The following RNFT2 variants were observed in gnomAD, a reference collection of about 807,000 sequenced individuals.
RNFT2 encodes ring finger protein, transmembrane 2.
Under a neutral mutation model 53.0 loss-of-function variants are expected in RNFT2, and 36 were observed. That is an observed-to-expected ratio of 0.68 (90% CI 0.52 to 0.90). The LOEUF (loss-of-function observed/expected upper bound fraction) is 0.90, where lower values mean the gene tolerates loss of function less well. Among genes scored for constraint, RNFT2 ranks in the 40% least tolerant of loss-of-function variants. RNFT2 has a pLI of 0.00. For missense variants in RNFT2, 514 were observed against 585.6 expected (o/e 0.88, Z 1.26); for synonymous variants, 260 against 253.2 (o/e 1.03, Z -0.26).
At chr12:116,789,901 G>A (rs1027122001) in intron 7 of RNFT2, among the ~76,000 whole-genome samples, 3 of 150,974 alleles carry the variant, frequency 2.0e-5, no homozygotes, top group Non-Finnish European at 3.0e-5. Flanking sequence ...AGTGGTGGGT[G>A]GATGGATGGT....
intron 5 of RNFT2, among the ~76,000 whole-genome samples, chr12:116,758,635 T>C (rs1872588212): frequency 1.3e-5 from 2 of 152,366 alleles, no homozygotes; most frequent in African/African-American, 4.8e-5. Flanking sequence ...TTTCACTGGA[T>C]ACAAAATTCT....
At chr12:116,786,760 A>G (rs1407209605) in intron 7 of RNFT2, among the ~76,000 whole-genome samples, 1 of 152,202 alleles carries the variant, frequency 6.6e-6, no homozygotes, top group Admixed American at 6.5e-5. Context: ...GGAAGCCAGA[A>G]ATCCAAAATC....
intron 6 of RNFT2, among the ~76,000 whole-genome samples, chr12:116,775,830 G>A (rs1873408969): frequency 6.6e-6 from 1 of 152,176 alleles, no homozygotes; most frequent in African/African-American, 2.4e-5. Context: ...ATCACTTGAG[G>A]CCAGGAGTCT....
At chr12:116,791,790 G>A (rs997598621) in intron 7 of RNFT2, among the ~76,000 whole-genome samples, 20 of 152,272 alleles carry the variant, frequency 1.3e-4, no homozygotes, top group African/African-American at 4.6e-4. Flanking sequence ...AAATACATAG[G>A]CAGAGAATTC....
At chr12:116,783,754 G>A (rs1299545495) in intron 7 of RNFT2, among the ~76,000 whole-genome samples, 1 of 152,240 alleles carries the variant, frequency 6.6e-6, no homozygotes, top group African/African-American at 2.4e-5. Context: ...AGCCAGCCAG[G>A]TCAGACAGAG....
intron 7 of RNFT2, among the ~76,000 whole-genome samples, chr12:116,827,219 C>CAAAA (rs753600365): frequency 7.6e-5 from 7 of 92,442 alleles, no homozygotes; most frequent in Admixed American, 2.5e-4. Context: ...GACTCCATCT[C>CAAAA]AAAAAAAAAA....
At chr12:116,777,225 G>A (rs976036885) in intron 6 of RNFT2, among the ~76,000 whole-genome samples, 2 of 152,022 alleles carry the variant, frequency 1.3e-5, no homozygotes, top group African/African-American at 4.8e-5. Flanking sequence ...GCCTCAAAAT[G>A]GGATATTCAC....
At chr12:116,844,724 G>A (rs73407205) in intron 10 of RNFT2, among the ~76,000 whole-genome samples, 1 of 152,176 alleles carries the variant, frequency 6.6e-6, no homozygotes, top group Non-Finnish European at 1.5e-5. Flanking sequence ...GAGCCTCAGT[G>A]AATGTGTTGA....
At chr12:116,826,004 T>A (rs902959965) in intron 7 of RNFT2, among the ~76,000 whole-genome samples, 5 of 149,734 alleles carry the variant, frequency 3.3e-5, no homozygotes, top group Admixed American at 6.6e-5. Flanking sequence ...GTTTCATCTC[T>A]GTCTGTGCAT....
In RNFT2 at chr12:116,817,090, G is replaced by A. The variant is rs768413122; in HGVS notation, c.883-16702G>A. Among the ~76,000 whole-genome samples the A allele has an allele frequency of 2.6e-5, 4 of 152,152 alleles. 1 individual carries two copies. Among genetic ancestry groups the A allele is most frequent in the Admixed American group, 6.5e-5 (1 of 15,274 alleles). ...TACAGTGGTGCGATCGCAGCTCACC[G>A]CAACCTCCACCTTCTGGGTTCAAGC... On this transcript the variant is annotated intron_variant, in intron 7 of 10. Transcript: ENST00000257575.
Position 116,836,212 on chromosome 12 carries a change from G to A in RNFT2, c.1130G>A (p.Cys377Tyr). The A allele has an allele frequency of 6.3e-7, 1 of 1,595,672 alleles. No individual in the cohort carries two copies. The highest frequency in any genetic ancestry group is 8.5e-7 in the Non-Finnish European group (1 of 1,171,128). The change falls in exon 10 of 11, where the codon TGC becomes TAC. Residue 377 changes from cysteine to tyrosine, a missense_variant. Physicochemically the swap from Cys to Tyr is radical, Grantham distance 194. This residue lies in a region of RNFT2 where 273 missense variants were observed against 334.4 expected (regional missense o/e 0.82). Coordinates refer to ENST00000257575, the MANE Select transcript of RNFT2 (RefSeq NM_001382266.1). The part of the protein sequence containing the change: ...NYGVRATGQQ[C>Y]TEAGDICAIC... ...GGAGTCCGAGCCACCGGGCAGCAGT[G>A]CACAGAAGCTGGTGACATCTGCGCC...
At chr12:116,748,933 A>G (rs1328104914) in intron 3 of RNFT2, among the ~76,000 whole-genome samples, 1 of 152,146 alleles carries the variant, frequency 6.6e-6, no homozygotes, top group Non-Finnish European at 1.5e-5. Context: ...CGGGAATATC[A>G]GTAGGACCTA....
At chr12:116,766,983 T>G in intron 6 of RNFT2, 69 bp downstream of exon 6, 3 of 1,074,764 alleles carry the variant, frequency 2.8e-6, no homozygotes, top group Non-Finnish European at 2.8e-6. Flanking sequence ...GCACGTACCC[T>G]TTCACTTGAG....
In RNFT2 at chr12:116,743,213, T is replaced by TAAAAAAAAAAAAAAAAAAAAA. The variant is rs762013507; in HGVS notation, c.83+2130_83+2150dup. 1.6e-3 allele frequency among the ~76,000 whole-genome samples: 17 copies of TAAAAAAAAAAAAAAAAAAAAA among 10,678 alleles called. 4 individuals are homozygous for TAAAAAAAAAAAAAAAAAAAAA. The highest frequency in any genetic ancestry group is 2.8e-3 in the East Asian group (1 of 358). The allele number at this position is 10,678 out of a possible 152,430, so 7.0% of individuals were successfully genotyped here. ...TGATTAATAGATACCAGGTAGAATC[T>TAAAAAAAAAAAAAAAAAAAAA]AAAAAAAAAAAAAAAAAAAAAAAAA... On this transcript the variant is annotated intron_variant, in intron 3 of 10. Coordinates refer to ENST00000257575, the MANE Select transcript of RNFT2 (RefSeq NM_001382266.1).
At chr12:116,747,614 C>A (rs1871959432) in intron 3 of RNFT2, among the ~76,000 whole-genome samples, 1 of 152,154 alleles carries the variant, frequency 6.6e-6, no homozygotes, top group Non-Finnish European at 1.5e-5. Context: ...CTCCCTCCTG[C>A]TGCCATTTCG....
chr12:116,830,491 T>C (rs975213624), intron 7 of RNFT2, among the ~76,000 whole-genome samples: 3 of 152,130 alleles, frequency 2.0e-5, no homozygotes, highest in Non-Finnish European at 4.4e-5. Context: ...TCTTGCTCTA[T>C]TGCCCAGGCT....
intron 3 of RNFT2, among the ~76,000 whole-genome samples, chr12:116,741,420 TCA>T (rs1478583459): frequency 6.6e-6 from 1 of 152,192 alleles, no homozygotes; most frequent in African/African-American, 2.4e-5. Context: ...TGTTTATCTC[TCA>T]CAGTGCTGGA....
chr12:116,753,148 C>CTTTT (rs11377177), intron 4 of RNFT2, among the ~76,000 whole-genome samples: 106 of 93,692 alleles, frequency 1.1e-3, no homozygotes, highest in African/African-American at 1.6e-3. Flanking sequence ...TTTTCTTTTT[C>CTTTT]TTTTTTTTTT....
intron 6 of RNFT2, among the ~76,000 whole-genome samples, chr12:116,773,813 A>C (rs1198034600): frequency 6.6e-6 from 1 of 152,234 alleles, no homozygotes; most frequent in Non-Finnish European, 1.5e-5. Context: ...GGGGTTTACC[A>C]TGTAGATATC....
Sources: gnomAD v4.1 joint callset for allele counts (sites outside exome capture counted in the v4.1 genomes callset) on GRCh38, gnomAD v4.1.1 for gene constraint, gnomAD v4.1.1 regional missense constraint, MANE v1.5 for transcripts, NCBI Gene and HGNC (gene_info 2026-07-23, HGNC 2026-07-21) for gene names.